The following RBFOX1 variants were observed in gnomAD, a reference collection of about 807,000 sequenced individuals.
RBFOX1 encodes the protein RNA binding fox-1 homolog 1, also known as RNA binding protein fox-1 homolog 1.
In RBFOX1, 8 loss-of-function variants were observed where a neutral mutation model predicts 57.7. The observed-to-expected ratio is 0.14, with a 90% CI of 0.08 to 0.25. The LOEUF is 0.25. Ranked by LOEUF, RBFOX1 falls within the 10% of genes least tolerant of loss-of-function variation. The pLI is 1.00. For missense variants in RBFOX1, 611 were observed against 548.5 expected, an observed-to-expected ratio of 1.11 and a Z score of -1.14; for synonymous variants, 326 against 222.4, an observed-to-expected ratio of 1.47 and a Z score of -4.15.
At position 6,767,941 on chromosome 16, in the gene RBFOX1, TAATAATAAGAAGAAG is replaced by T. The variant is rs1249511310; in HGVS notation, c.-16+113294_-16+113308del. Among the ~76,000 whole-genome samples the T allele has an allele frequency of 5.3e-3, 452 of 85,082 alleles. 7 individuals carry two copies. The East Asian group carries it at 0.063, about 12-fold the overall frequency. 55.8% of individuals were successfully genotyped at this position (85,082 alleles called of 152,430 possible). ...ATAATAATAATAATAATAATAATAA[TAATAATAAGAAGAAG>T]AAGAAGAAGAAGAAGAAGAAGAAGA... On this transcript the variant is annotated intron_variant, in intron 3 of 15. Coordinates refer to ENST00000550418, the MANE Select transcript of RBFOX1 (RefSeq NM_018723.4).
intron 4 of RBFOX1, among the ~76,000 whole-genome samples, chr16:7,064,594 C>T (rs148345104): frequency 2.0e-5 from 3 of 152,276 alleles, no homozygotes; most frequent in Non-Finnish European, 4.4e-5. Flanking sequence ...ACCAACCCCC[C>T]TGACACCTGA....
chr16:6,531,721 T>G (rs2096660647), intron 2 of RBFOX1, among the ~76,000 whole-genome samples: 1 of 152,118 alleles, frequency 6.6e-6, no homozygotes, highest in Non-Finnish European at 1.5e-5. Flanking sequence ...CAGGGCTTCT[T>G]AATGGAGATT....
In RBFOX1 at chr16:7,251,002, AT is replaced by A. The variant is rs1567894803; in HGVS notation, c.27+198909del. On this transcript the variant is annotated intron_variant, in intron 4 of 15. Transcript: ENST00000550418. ...TTAATACGTGTATTATCTGATATAC[AT>A]TTTTGTAGTGAAAACACTTAAAATC... 3.2e-5 allele frequency among the ~76,000 whole-genome samples: 3 copies of A among 93,542 alleles called. No individual in the cohort carries two copies. In the South Asian group the frequency reaches 9.4e-4, roughly 29 times the overall value. The allele number at this position is 93,542 out of a possible 152,430, so 61.4% of individuals were successfully genotyped here.
intron 1 of RBFOX1, among the ~76,000 whole-genome samples, chr16:6,141,433 G>A (rs1453310083): frequency 6.6e-6 from 1 of 152,064 alleles, no homozygotes; most frequent in African/African-American, 2.4e-5. Context: ...TGGGTTATCT[G>A]TTAGGGACCA....
Position 5,565,631 on chromosome 16 carries a change from A to ATAC in RBFOX1, c.259-33271_259-33270insTAC, listed in dbSNP as rs1567236289. 4.1e-4 allele frequency among the ~76,000 whole-genome samples: 23 copies of ATAC among 56,218 alleles called. No homozygotes were observed. The East Asian group carries it at 4.9e-3, about 12-fold the overall frequency. 36.9% of individuals were successfully genotyped at this position (56,218 alleles called of 152,430 possible). On this transcript the variant is annotated intron_variant, in intron 2 of 2. Coordinates refer to the RBFOX1 transcript ENST00000585867. ...TAAGAGCGAAACTCTGCCTTACATA[A>ATAC]ATAAATAAATAAATAAATAAATAAA...
intron 3 of RBFOX1, among the ~76,000 whole-genome samples, chr16:5,719,202 C>CTTTT (rs34350208): frequency 8.3e-6 from 1 of 120,086 alleles, no homozygotes; most frequent in South Asian, 2.8e-4. Flanking sequence ...ATATTAGAAT[C>CTTTT]TTTTTTTTTT....
chr16:5,640,826 CAT>C, intron 3 of RBFOX1, among the ~76,000 whole-genome samples: 1 of 83,842 alleles, frequency 1.2e-5, no homozygotes, highest in South Asian at 5.7e-4. Context: ...CATGGATACA[CAT>C]ACATGCACAC....
chr16:5,964,273 A>G (rs1296649454), intron 4 of RBFOX1, among the ~76,000 whole-genome samples: 2 of 152,188 alleles, frequency 1.3e-5, no homozygotes, highest in Non-Finnish European at 2.9e-5. Context: ...TGGAGAAAAG[A>G]CAACTCTTAG....
intron 4 of RBFOX1, among the ~76,000 whole-genome samples, chr16:7,295,072 C>A (rs1000752959): frequency 1.3e-5 from 2 of 152,280 alleles, no homozygotes; most frequent in African/African-American, 4.8e-5. Context: ...GCTTGTCAGT[C>A]TTCACAAAAT....
At chr16:5,948,826 T>C (rs780372272) in intron 4 of RBFOX1, among the ~76,000 whole-genome samples, 1 of 152,160 alleles carries the variant, frequency 6.6e-6, no homozygotes, top group Non-Finnish European at 1.5e-5. Context: ...TCTTACGGCA[T>C]CCCTGGGACA....
intron 2 of RBFOX1, among the ~76,000 whole-genome samples, chr16:6,466,162 G>C (rs1258756045): frequency 6.6e-6 from 1 of 151,174 alleles, no homozygotes; most frequent in Non-Finnish European, 1.5e-5. Flanking sequence ...CCGGGAGGCA[G>C]AGGTTGCAAG....
At chr16:6,067,217 G>C (rs2095777022) in intron 1 of RBFOX1, among the ~76,000 whole-genome samples, 1 of 152,132 alleles carries the variant, frequency 6.6e-6, no homozygotes, top group South Asian at 2.1e-4. Context: ...TACCTACAGG[G>C]CATGCAGGCC....
chr16:5,390,239 A>T (rs2066367355), intron 1 of RBFOX1, among the ~76,000 whole-genome samples: 1 of 151,448 alleles, frequency 6.6e-6, no homozygotes, highest in African/African-American at 2.4e-5. Context: ...TTTATAAAAT[A>T]TATATGTATG....
At chr16:6,659,555 G>T (rs79513903) in intron 3 of RBFOX1, among the ~76,000 whole-genome samples, 1,814 of 152,200 alleles carry the variant, frequency 0.012, 41 homozygotes, top group African/African-American at 0.04. Context: ...AATAAAGGAA[G>T]CTCAGGCACA....
Position 5,485,511 on chromosome 16 carries a change from A to G in RBFOX1, c.258+18257A>G, listed in dbSNP as rs935693716. Among the ~76,000 whole-genome samples the G allele has an allele frequency of 5.9e-5, 9 of 152,200 alleles. No homozygotes were observed. In the East Asian group the frequency reaches 1.7e-3, roughly 29 times the overall value. ...GTGATTAGTAACAGTGAAAATGGCTAACAAATATGAAGCCCATACTAAATG... is the reference window on the plus strand; with the variant it reads ...GTGATTAGTAACAGTGAAAATGGCTGACAAATATGAAGCCCATACTAAATG... On this transcript the variant is annotated intron_variant, in intron 2 of 2. Coordinates refer to the RBFOX1 transcript ENST00000585867.
chr16:6,538,865 A>G (rs1359009528), intron 2 of RBFOX1, among the ~76,000 whole-genome samples: 6 of 152,092 alleles, frequency 3.9e-5, no homozygotes, highest in Non-Finnish European at 5.9e-5. Context: ...CAAACTTACT[A>G]TTTTAGATTG....
At chr16:5,630,817 T>G (rs2048484482) in intron 3 of RBFOX1, among the ~76,000 whole-genome samples, 1 of 152,224 alleles carries the variant, frequency 6.6e-6, no homozygotes, top group South Asian at 2.1e-4. Context: ...ATAGAGTGTG[T>G]GGATGAGGAA....
intron 4 of RBFOX1, among the ~76,000 whole-genome samples, chr16:7,418,502 A>C (rs532757308): frequency 1.2e-4 from 18 of 152,292 alleles, no homozygotes; most frequent in Non-Finnish European, 2.6e-4. Context: ...TCTGCCTGAC[A>C]CAACATTTCT....
chr16:7,448,416 G>A (rs1053998509), intron 4 of RBFOX1, among the ~76,000 whole-genome samples: 3 of 152,216 alleles, frequency 2.0e-5, no homozygotes, highest in African/African-American at 7.2e-5. Context: ...GGAAGGCAAA[G>A]GAGGTGCAAA....
Sources: gnomAD v4.1 joint callset for allele counts (sites outside exome capture counted in the v4.1 genomes callset) on GRCh38, gnomAD v4.1.1 for gene constraint, MANE v1.5 for transcripts, NCBI Gene and HGNC (gene_info 2026-07-23, HGNC 2026-07-21) for gene names.